DOK6: variants seen among roughly 807,000 people sequenced by gnomAD.
DOK6 encodes downstream of tyrosine kinase 6.
In DOK6, 22 loss-of-function variants were observed where a neutral mutation model predicts 44.0. The ratio of observed to expected loss-of-function variants is 0.50; its 90% CI spans 0.36 to 0.71. The LOEUF is 0.71. Ranked by LOEUF, DOK6 falls within the 30% of genes least tolerant of loss-of-function variation. The pLI, the probability that DOK6 is intolerant of heterozygous loss-of-function variation, is 0.00. For synonymous variants in DOK6, 166 were observed against 145.5 expected, an observed-to-expected ratio of 1.14 and a Z score of -1.01; for missense variants, 340 against 416.4, an observed-to-expected ratio of 0.82 and a Z score of 1.60.
At chr18:69,420,812 C>T (rs1350208785) in intron 1 of DOK6, among the ~76,000 whole-genome samples, 3 of 152,088 alleles carry the variant, frequency 2.0e-5, no homozygotes, top group Admixed American at 6.6e-5. Context: ...CTGAGGATGC[C>T]GATTGGTGTG....
intron 3 of DOK6, among the ~76,000 whole-genome samples, chr18:69,640,359 T>C (rs1478226184): frequency 6.6e-6 from 1 of 152,192 alleles, no homozygotes; most frequent in Admixed American, 6.5e-5. Context: ...TCATTCTTAT[T>C]TCATGAGAGG....
chr18:69,594,363 T>G lies in DOK6; in HGVS notation c.175-5021T>G, dbSNP rs533620201. Among the ~76,000 whole-genome samples, 190 of 152,118 alleles carry G rather than the reference T, an allele frequency of 1.2e-3. 2 individuals are homozygous for G. Among genetic ancestry groups the G allele is most frequent in the African/African-American group, 4.3e-3 (180 of 41,542 alleles). ...GTATTTTTATATATAAGCAAACCTC[T>G]TTAAGTATTTTACTTAAAATCACCC... On this transcript the variant is annotated intron_variant, in intron 2 of 7. Transcript: ENST00000382713.
chr18:69,577,532 A>G (rs943131643), intron 2 of DOK6, among the ~76,000 whole-genome samples: 2 of 152,126 alleles, frequency 1.3e-5, no homozygotes, highest in African/African-American at 4.8e-5. Flanking sequence ...ACCTCAATTC[A>G]CAATCATTTA....
intron 3 of DOK6, among the ~76,000 whole-genome samples, chr18:69,627,369 G>A (rs959157586): frequency 1.3e-5 from 2 of 152,008 alleles, no homozygotes; most frequent in Admixed American, 1.3e-4. Context: ...TGCTTTAGGG[G>A]GATGTTTCTG....
chr18:69,406,117 T>A (rs995106956), intron 1 of DOK6, among the ~76,000 whole-genome samples: 1 of 152,252 alleles, frequency 6.6e-6, no homozygotes, highest in East Asian at 1.9e-4. Context: ...TTCCTTACGC[T>A]GTGTGTAGAT....
rs1291982425 is a variant in DOK6 at position 69,570,531 on chromosome 18, T to C, written c.174+5937T>C. Among the ~76,000 whole-genome samples the C allele has an allele frequency of 2.6e-5, 4 of 152,228 alleles. No homozygotes were observed. In the East Asian group the frequency reaches 7.7e-4, roughly 29 times the overall value. On this transcript the variant is annotated intron_variant, in intron 2 of 7. Transcript: ENST00000382713. ...GAGAAAGAAAAAAATTTGAAAAAGA[T>C]AATGGCTGAAAAATTCCCAAATTTG...
intron 3 of DOK6, among the ~76,000 whole-genome samples, chr18:69,651,787 C>G (rs1264419318): frequency 6.6e-6 from 1 of 151,726 alleles, no homozygotes; most frequent in Non-Finnish European, 1.5e-5. Context: ...GCGCCCAGCC[C>G]CATCAGCCCC....
chr18:69,686,680 T>A (rs1448247470), intron 4 of DOK6, among the ~76,000 whole-genome samples: 1 of 152,108 alleles, frequency 6.6e-6, no homozygotes, highest in Non-Finnish European at 1.5e-5. Flanking sequence ...CAAAGTTCAC[T>A]GGATGAAGAT....
At chr18:69,513,489 T>C (rs1981432103) in intron 1 of DOK6, among the ~76,000 whole-genome samples, 1 of 152,222 alleles carries the variant, frequency 6.6e-6, no homozygotes, top group Non-Finnish European at 1.5e-5. Flanking sequence ...TTTCCAGCAA[T>C]AAGTGGTTTC....
chr18:69,637,117 G>A (rs999861740), intron 3 of DOK6, among the ~76,000 whole-genome samples: 8 of 152,168 alleles, frequency 5.3e-5, no homozygotes, highest in Admixed American at 2.6e-4. Context: ...CTTGGCCTCC[G>A]CTCTGTGCAC....
At chr18:69,570,094 T>A (rs1374891111) in intron 2 of DOK6, among the ~76,000 whole-genome samples, 1 of 152,018 alleles carries the variant, frequency 6.6e-6, no homozygotes, top group Non-Finnish European at 1.5e-5. Flanking sequence ...TGTTGAGTAC[T>A]ATGCTTAGTA....
At chr18:69,744,363 CA>C in intron 6 of DOK6, among the ~76,000 whole-genome samples, 1 of 150,640 alleles carries the variant, frequency 6.6e-6, no homozygotes, top group East Asian at 1.9e-4. Flanking sequence ...GAGTTCTATT[CA>C]TGATTTTATC....
intron 5 of DOK6, among the ~76,000 whole-genome samples, chr18:69,732,840 AGAT>A (rs1978457268): frequency 1.3e-5 from 2 of 152,234 alleles, no homozygotes; most frequent in South Asian, 4.1e-4. Context: ...ACTAAAACCA[AGAT>A]TTCCTTGTAG....
At position 69,427,658 on chromosome 18, in the gene DOK6, A is replaced by G. The variant is rs559515293; in HGVS notation, c.66+26348A>G. On this transcript the variant is annotated intron_variant, in intron 1 of 7. Coordinates refer to ENST00000382713, the MANE Select transcript of DOK6 (RefSeq NM_152721.6). ...CTATCTTAAAGACACATGCACACAT[A>G]TGTTCATTGCAGCACTATTCACAAC... Among the ~76,000 whole-genome samples the G allele has an allele frequency of 1.6e-4, 25 of 152,342 alleles. No individual in the cohort carries two copies. The East Asian group carries it at 4.6e-3, about 28-fold the overall frequency.
intron 6 of DOK6, among the ~76,000 whole-genome samples, chr18:69,749,516 ACAGGATATATG>A (rs1363763535): frequency 3.3e-5 from 5 of 152,208 alleles, no homozygotes; most frequent in Admixed American, 3.3e-4. Context: ...TTTTGCTTCC[ACAGGATATATG>A]TTCTTAGGAA....
Position 69,600,323 on chromosome 18 carries a change from C to T in DOK6, c.289+825C>T, listed in dbSNP as rs1312404722. 4.6e-5 allele frequency among the ~76,000 whole-genome samples: 7 copies of T among 152,192 alleles called. No homozygotes were observed. The East Asian group carries it at 9.7e-4, about 21-fold the overall frequency. On this transcript the variant is annotated intron_variant, in intron 3 of 7. Coordinates refer to ENST00000382713, the MANE Select transcript of DOK6 (RefSeq NM_152721.6). Reference sequence around the variant, plus strand: ...TCTAAAACTGATAATATCCCTTTGCCTAACTGAAATTGCTCACACCTCTCA... The same window carrying T: ...TCTAAAACTGATAATATCCCTTTGCTTAACTGAAATTGCTCACACCTCTCA...
rs201560235 is a variant in DOK6, at chr18:69,732,194, GC to G, written c.600-6770del. ...TCAACATTTAAGGAGTACACGAGGTGCTTTTTGTGATTAACATTGGGAGTTA... is the reference window on the plus strand; with the variant it reads ...TCAACATTTAAGGAGTACACGAGGTGTTTTTGTGATTAACATTGGGAGTTA... On this transcript the variant is annotated intron_variant, in intron 5 of 7. Coordinates refer to ENST00000382713, the MANE Select transcript of DOK6 (RefSeq NM_152721.6). Among the ~76,000 whole-genome samples, 791 of 152,174 alleles carry G rather than the reference GC, an allele frequency of 5.2e-3. 3 individuals are homozygous for G. The highest frequency in any genetic ancestry group is 0.017 in the African/African-American group (702 of 41,494).
intron 5 of DOK6, among the ~76,000 whole-genome samples, chr18:69,726,220 CCTTTTTCT>C: frequency 6.6e-6 from 1 of 152,256 alleles, no homozygotes; most frequent in African/African-American, 2.4e-5. Flanking sequence ...GCTTCTTTGG[CCTTTTTCT>C]GTCTTCAGAT....
chr18:69,438,162 C>A (rs147122429), intron 1 of DOK6, among the ~76,000 whole-genome samples: 171 of 152,214 alleles, frequency 1.1e-3, no homozygotes, highest in African/African-American at 3.7e-3. Context: ...GCCTTCCTTT[C>A]ATGAAAGATT....
Sources: gnomAD v4.1 joint callset for allele counts (sites outside exome capture counted in the v4.1 genomes callset) on GRCh38, gnomAD v4.1.1 for gene constraint, MANE v1.5 for transcripts, NCBI Gene and HGNC (gene_info 2026-07-23, HGNC 2026-07-21) for gene names.